GRIK2: variants seen among roughly 807,000 people sequenced by gnomAD.
GRIK2 encodes glutamate ionotropic receptor kainate type subunit 2.
Under a neutral mutation model 100.3 loss-of-function variants are expected in GRIK2, and 32 were observed. That is an observed-to-expected ratio of 0.32 (90% confidence interval 0.24 to 0.43). GRIK2 has a LOEUF of 0.43. GRIK2 is among the 20% of genes least tolerant of loss of function. GRIK2 has a pLI of 1.00. For synonymous variants in GRIK2, 417 were observed against 389.4 expected (o/e 1.07, Z -0.83); for missense variants, 843 against 1,114.9 (o/e 0.76, Z 3.47).
At chr6:101,528,454 G>A (rs1212852506) in intron 2 of GRIK2, among the ~76,000 whole-genome samples, 7 of 152,152 alleles carry the variant, frequency 4.6e-5, no homozygotes, top group African/African-American at 1.7e-4. Context: ...GCTATGAAAT[G>A]AGCTAGCAAT....
chr6:101,773,528 T>C (rs1209756768), intron 7 of GRIK2, among the ~76,000 whole-genome samples: 2 of 151,374 alleles, frequency 1.3e-5, no homozygotes, highest in African/African-American at 2.4e-5. Flanking sequence ...TGGAAGGTCT[T>C]CAAGTTAAGG....
chr6:101,445,643 T>C (rs1032238742), intron 2 of GRIK2, among the ~76,000 whole-genome samples: 1 of 152,098 alleles, frequency 6.6e-6, no homozygotes, highest in African/African-American at 2.4e-5. Flanking sequence ...GTGTCTTTTG[T>C]AATGGGCAAA....
At chr6:101,501,769 G>GTTTTT (rs1773758385) in intron 2 of GRIK2, among the ~76,000 whole-genome samples, 1 of 152,026 alleles carries the variant, frequency 6.6e-6, no homozygotes, top group South Asian at 2.1e-4. Flanking sequence ...GTTTTGTTTT[G>GTTTTT]TTTTCCAAGA....
chr6:101,963,509 C>CT (rs770178884), intron 14 of GRIK2, among the ~76,000 whole-genome samples: 3,969 of 105,982 alleles, frequency 0.037, 121 homozygotes, highest in East Asian at 0.066. Flanking sequence ...TTCTTTCTTT[C>CT]TTTTTTTTTT....
intron 4 of GRIK2, among the ~76,000 whole-genome samples, chr6:101,672,427 T>A (rs1770509199): frequency 6.6e-6 from 1 of 152,184 alleles, no homozygotes. Flanking sequence ...CCTCACCAAG[T>A]GATCTCAATC....
intron 2 of GRIK2, among the ~76,000 whole-genome samples, chr6:101,518,623 TG>T (rs1774711920): frequency 6.6e-6 from 1 of 152,164 alleles, no homozygotes; most frequent in Non-Finnish European, 1.5e-5. Context: ...TTCTTTGAAA[TG>T]ATCTGGGAAA....
chr6:101,904,668 A>T (rs912215902), intron 12 of GRIK2, among the ~76,000 whole-genome samples: 6 of 151,598 alleles, frequency 4.0e-5, no homozygotes, highest in African/African-American at 1.4e-4. Context: ...TAGCAAACAA[A>T]TTCCCCTTTT....
At chr6:101,587,772 T>G (rs2128305412) in intron 2 of GRIK2, among the ~76,000 whole-genome samples, 1 of 152,196 alleles carries the variant, frequency 6.6e-6, no homozygotes, top group Middle Eastern at 3.4e-3. Context: ...TCAGAATTGC[T>G]AAATTGGTGA....
At chr6:101,414,976 TGTGTGG>T (rs1562120763) in intron 2 of GRIK2, among the ~76,000 whole-genome samples, 1 of 149,160 alleles carries the variant, frequency 6.7e-6, no homozygotes, top group African/African-American at 2.5e-5. Flanking sequence ...GTGTGTGTGG[TGTGTGG>T]TGTGTATATG....
intron 10 of GRIK2, among the ~76,000 whole-genome samples, chr6:101,823,196 T>C (rs956650003): frequency 7.2e-5 from 11 of 152,172 alleles, no homozygotes; most frequent in African/African-American, 2.2e-4. Flanking sequence ...CAAGACGGTA[T>C]AGGAGCTCAC....
intron 14 of GRIK2, among the ~76,000 whole-genome samples, chr6:101,996,440 A>G (rs1794653309): frequency 6.6e-6 from 1 of 152,022 alleles, no homozygotes; most frequent in Non-Finnish European, 1.5e-5. Flanking sequence ...TTATTCATTA[A>G]TTACTTTTAC....
chr6:101,849,813 GTTTTTTTTTTTT>G (rs36010543), intron 10 of GRIK2, among the ~76,000 whole-genome samples: 2 of 53,892 alleles, frequency 3.7e-5, no homozygotes, highest in African/African-American at 6.6e-5. Context: ...AAAAAGGAGG[GTTTTTTTTTTTT>G]TTTTTTTTTT....
At chr6:102,054,869 T>C (rs972942196) in intron 15 of GRIK2, among the ~76,000 whole-genome samples, 4 of 152,174 alleles carry the variant, frequency 2.6e-5, no homozygotes, top group Non-Finnish European at 5.9e-5. Context: ...TGAATACAGC[T>C]TATTAGTAAT....
chr6:101,610,005 C>A (rs9498647), intron 2 of GRIK2, among the ~76,000 whole-genome samples: 52,173 of 151,266 alleles, frequency 0.34, 9,309 homozygotes, highest in African/African-American at 0.43. Flanking sequence ...AAGGGGGAAA[C>A]CAAAAGTAAT....
intron 15 of GRIK2, among the ~76,000 whole-genome samples, chr6:102,049,509 T>A (rs1276206654): frequency 6.6e-6 from 1 of 152,146 alleles, no homozygotes; most frequent in Non-Finnish European, 1.5e-5. Context: ...AGAAACAAGT[T>A]TTATTTAATT....
chr6:101,835,584 C>T (rs904357400), intron 10 of GRIK2, among the ~76,000 whole-genome samples: 10 of 149,142 alleles, frequency 6.7e-5, no homozygotes, highest in South Asian at 2.1e-4. Flanking sequence ...GATTCTCATG[C>T]CTCAGCCCCC....
At chr6:102,010,823 A>T (rs1331669684) in intron 14 of GRIK2, among the ~76,000 whole-genome samples, 4 of 151,950 alleles carry the variant, frequency 2.6e-5, no homozygotes, top group Non-Finnish European at 4.4e-5. Flanking sequence ...AGTAATATTA[A>T]TTTTATTTTC....
At chr6:101,546,247 G>C (rs192288042) in intron 2 of GRIK2, among the ~76,000 whole-genome samples, 1 of 152,144 alleles carries the variant, frequency 6.6e-6, no homozygotes, top group East Asian at 1.9e-4. Flanking sequence ...AAGATGTTGC[G>C]GTTATCTCAA....
intron 10 of GRIK2, among the ~76,000 whole-genome samples, chr6:101,849,432 G>T (rs190099933): frequency 6.6e-6 from 1 of 152,098 alleles, no homozygotes; most frequent in East Asian, 1.9e-4. Flanking sequence ...TCATTTTATT[G>T]TTGTTAAGGT....
Sources: allele counts gnomAD v4.1 joint callset (sites outside exome capture counted in the v4.1 genomes callset), GRCh38; gene constraint gnomAD v4.1.1; transcripts MANE v1.5; gene names NCBI Gene and HGNC (gene_info 2026-07-23, HGNC 2026-07-21).